VSIG4: variants seen among roughly 807,000 people sequenced by gnomAD.
The protein encoded by VSIG4 is V-set and immunoglobulin domain containing 4.
A neutral mutation model predicts 23.4 loss-of-function variants in VSIG4; 34 were observed. That is an observed-to-expected ratio of 1.45 (90% CI 1.10 to 1.93). VSIG4 has a LOEUF of 1.93. Among genes scored for constraint, VSIG4 ranks in the 30% most tolerant of loss-of-function variants. The pLI is 0.00. For synonymous variants in VSIG4, 169 were observed against 120.3 expected (o/e 1.41, Z -2.65); for missense variants, 433 against 310.8 (o/e 1.39, Z -2.96).
chrX:66,025,353 T>C (rs886890687), intron 5 of VSIG4, among the ~76,000 whole-genome samples: 2 of 112,240 alleles, frequency 1.8e-5, no homozygotes, highest in African/African-American at 6.5e-5. Flanking sequence ...GGTGGGCTGA[T>C]TGGCCTGGGC....
chrX:66,024,371 T>C (rs2085365969), intron 6 of VSIG4, among the ~76,000 whole-genome samples: 1 of 112,133 alleles, frequency 8.9e-6, no homozygotes, highest in South Asian at 3.7e-4. Flanking sequence ...TAAGGCCTTC[T>C]ATAATCAGGA....
In VSIG4 at chrX:66,032,707, C is replaced by A. The variant is rs763612311; in HGVS notation, c.455G>T (p.Gly152Val). ...CCTCATTCCCTGGGGCACCGTGAAG[C>A]CATAACCGCTGCCAGTTGTCACTGT... ...KPTVTTGSGYGFTVPQGMRIS... is the reference protein window; with the variant it reads ...KPTVTTGSGYVFTVPQGMRIS... Residue 152 changes from glycine to valine, a missense_variant, in exon 3 of 8, where the codon GGC (glycine) becomes GTC (valine). By Grantham distance (109) the Gly-to-Val change is moderately radical. Transcript: ENST00000374737. 1.7e-6 allele frequency: 2 copies of A among 1,211,435 alleles called. No homozygotes were observed. The highest frequency in any genetic ancestry group is 3.0e-5 in the East Asian group (1 of 33,797).
At chrX:66,022,675 C>A in intron 7 of VSIG4, 166 bp downstream of exon 7, 1 of 1,131,289 alleles carries the variant, frequency 8.8e-7, no homozygotes. Flanking sequence ...GCCAAAACAA[C>A]CTCAGAAGGT....
intron 4 of VSIG4, 35 bp from the exon 5 acceptor site, chrX:66,027,561 T>TCAA: frequency 9.1e-7 from 1 of 1,102,571 alleles, no homozygotes; most frequent in Non-Finnish European, 1.2e-6. Context: ...GAGATGTCTC[T>TCAA]CTTCTTTCAA....
rs1043628529 is a variant in VSIG4, at chrX:66,022,002, C to T, written c.*261G>A. ...GACCAAGTCCTAGTGCTATGGGCAT[C>T]TTCCCTCTGGTATTTAGAGAGGAGT... On this transcript the variant is annotated 3_prime_UTR_variant, in exon 8 of 8. Transcript: ENST00000374737. The T allele has an allele frequency of 1.0e-4, 115 of 1,101,165 alleles. No homozygotes were observed. In the African/African-American group the frequency reaches 2.0e-3, roughly 19 times the overall value. 90.7% of individuals were successfully genotyped at this position (1,101,165 alleles called of 1,213,427 possible).
chrX:66,022,320 C>CA lies in VSIG4; in HGVS notation c.1142dup (p.Asp382GlyfsTer8). The CA allele has an allele frequency of 3.3e-6, 4 of 1,212,138 alleles. No homozygotes were observed. The highest frequency in any genetic ancestry group is 4.5e-6 in the Non-Finnish European group (4 of 895,574). On this transcript the variant is annotated frameshift_variant, in exon 8 of 8. Coordinates refer to ENST00000374737, the MANE Select transcript of VSIG4 (RefSeq NM_007268.3). LOFTEE classifies it low-confidence loss of function (END_TRUNC). The stretch of plus-strand genomic sequence containing the variant: ...ACTCATAATCCAGAGGAACTGTGTC[C>CA]AGCAGGCGGGCGTAGTTGCCATTGA...
Position 66,022,332 on chromosome X carries a change from G to A in VSIG4, c.1131C>T (p.Tyr377=), listed in dbSNP as rs200220547. The change falls in exon 8 of 8, where the codon TAC becomes TAT. Residue 377 remains tyrosine (Y), a synonymous_variant. Transcript: ENST00000374737. Reference sequence around the variant, plus strand: ...GAGGAACTGTGTCCAGCAGGCGGGCGTAGTTGCCATTGATCTGGGCGATGA... The same window carrying A: ...GAGGAACTGTGTCCAGCAGGCGGGCATAGTTGCCATTGATCTGGGCGATGA... The part of the protein sequence containing the change: ...YQIIAQINGN[Y]ARLLDTVPLD... 44 of 1,211,105 alleles carry A rather than the reference G, an allele frequency of 3.6e-5. No individual in the cohort carries two copies. The highest frequency in any genetic ancestry group is 1.1e-4 in the Admixed American group (5 of 46,012).
Position 66,022,233 on chromosome X carries a change from G to T in VSIG4, c.*30C>A. 8.3e-7 allele frequency: 1 copy of T among 1,212,049 alleles called. No individual in the cohort carries two copies. The highest frequency in any genetic ancestry group is 1.1e-6 in the Non-Finnish European group (1 of 895,539). On this transcript the variant is annotated 3_prime_UTR_variant, in exon 8 of 8. Coordinates refer to ENST00000374737, the MANE Select transcript of VSIG4 (RefSeq NM_007268.3). Reference sequence around the variant, plus strand: ...AGGCAAGGACTGACTAGGCAATTATGTCAGCAGATCCTGGCCTAATGGGGC... The same window carrying T: ...AGGCAAGGACTGACTAGGCAATTATTTCAGCAGATCCTGGCCTAATGGGGC...
Position 66,022,163 on chromosome X carries a change from T to C in VSIG4, c.*100A>G. On this transcript the variant is annotated 3_prime_UTR_variant, in exon 8 of 8. Coordinates refer to ENST00000374737, the MANE Select transcript of VSIG4 (RefSeq NM_007268.3). ...CTCCAGTGTTGGTAGGCGGACACTT[T>C]GGGCTATCCAGGAAGAGAGGTAGCA... 1 of 1,205,771 alleles carries C rather than the reference T, an allele frequency of 8.3e-7. No individual in the cohort carries two copies. The highest frequency in any genetic ancestry group is 3.0e-5 in the East Asian group (1 of 33,522).
chrX:66,033,313 C>A (rs769855178), intron 2 of VSIG4, among the ~76,000 whole-genome samples, 161 bp downstream of exon 2: 1 of 111,249 alleles, frequency 9.0e-6, no homozygotes, highest in African/African-American at 3.3e-5. Flanking sequence ...GGAATGCTGA[C>A]CCTAAGAATC....
At position 66,033,823 on chromosome X, in the gene VSIG4, G is replaced by A. The variant is rs761817837; in HGVS notation, c.63C>T (p.Pro21=). 1.7e-6 allele frequency: 2 copies of A among 1,200,485 alleles called. No individual in the cohort carries two copies. Among genetic ancestry groups the A allele is most frequent in the South Asian group, 1.8e-5 (1 of 55,508 alleles). The change falls in exon 2 of 8, where the codon CCC becomes CCT. Residue 21 remains proline (P), a synonymous_variant. Coordinates refer to ENST00000374737, the MANE Select transcript of VSIG4 (RefSeq NM_007268.3). ...GHLTVDTYGR[P]ILEVPESVTG... is the part of the protein sequence containing the mutation. ...TTACACTCTCTGGCACTTCCAGGAT[G>A]GGACGGCCTGAAGAGGCGGAACAGA...
chrX:66,029,909 T>A (rs1340243239), intron 3 of VSIG4, among the ~76,000 whole-genome samples: 1 of 111,447 alleles, frequency 9.0e-6, no homozygotes, highest in Non-Finnish European at 1.9e-5. Context: ...GATAATATTA[T>A]GGTTGGAGAG....
chrX:66,025,016 A>G lies in VSIG4; in HGVS notation c.940+9T>C. ...GAGCCAAAGCCACCTTCTCATATTC[A>G]TCACTAACCTTGTTGGGATGTCTTC... On this transcript the variant is annotated intron_variant, in intron 6 of 7. Transcript: ENST00000374737. 2 of 1,159,818 alleles carry G rather than the reference A, an allele frequency of 1.7e-6. No homozygotes were observed. Among genetic ancestry groups the G allele is most frequent in the Non-Finnish European group, 2.3e-6 (2 of 862,671 alleles).
intron 1 of VSIG4, among the ~76,000 whole-genome samples, chrX:66,035,071 T>C (rs954013807): frequency 1.5e-4 from 17 of 111,375 alleles, no homozygotes; most frequent in African/African-American, 5.2e-4. Context: ...CAGAATATAC[T>C]GTCCAGCATC....
chrX:66,039,419 G>A (rs1169449242), intron 1 of VSIG4, among the ~76,000 whole-genome samples: 1 of 112,017 alleles, frequency 8.9e-6, no homozygotes, highest in Admixed American at 9.5e-5. Context: ...GGACTAGATG[G>A]TCTGGGGAGG....
At chrX:66,026,189 C>T (rs2085388183) in intron 5 of VSIG4, among the ~76,000 whole-genome samples, 1 of 111,260 alleles carries the variant, frequency 9.0e-6, no homozygotes, top group African/African-American at 3.3e-5. Flanking sequence ...GATAGAGAGG[C>T]GTGAGGAAAG....
intron 1 of VSIG4, among the ~76,000 whole-genome samples, chrX:66,039,307 G>A (rs2085656285): frequency 8.9e-6 from 1 of 111,765 alleles, no homozygotes; most frequent in South Asian, 3.7e-4. Flanking sequence ...GTTCTGTGTA[G>A]CCCCAAGAAG....
At chrX:66,036,836 GTT>G (rs1439475724) in intron 1 of VSIG4, among the ~76,000 whole-genome samples, 2 of 26,200 alleles carry the variant, frequency 7.6e-5, no homozygotes, top group South Asian at 2.7e-3. Flanking sequence ...TATATAATAT[GTT>G]ATATAATATA....
At chrX:66,029,228 T>C (rs2085436098) in intron 3 of VSIG4, among the ~76,000 whole-genome samples, 1 of 111,850 alleles carries the variant, frequency 8.9e-6, no homozygotes, top group African/African-American at 3.2e-5. Context: ...GTTGGAAAGA[T>C]CCATGGGGTG....
Sources: gnomAD v4.1 joint callset for allele counts (sites outside exome capture counted in the v4.1 genomes callset) on GRCh38, gnomAD v4.1.1 for gene constraint, MANE v1.5 for transcripts, NCBI Gene and HGNC (gene_info 2026-07-23, HGNC 2026-07-21) for gene names.